Variants in MPDZ observed in about 807,000 individuals in gnomAD.
MPDZ encodes multiple PDZ domain crumbs cell polarity complex component, also known as multiple PDZ domain protein.
Under a neutral mutation model 239.1 loss-of-function variants are expected in MPDZ, and 234 were observed. The observed-to-expected ratio is 0.98, with a 90% CI of 0.88 to 1.09. The LOEUF is 1.09. Ranked by LOEUF, MPDZ falls within the 50% of genes least tolerant of loss-of-function variation. The probability of loss-of-function intolerance (pLI) is 0.00; values close to 1 mark genes in which losing one functional copy is unlikely to be tolerated. For synonymous variants in MPDZ, 1,048 were observed against 881.3 expected, an observed-to-expected ratio of 1.19 and a Z score of -3.35; for missense variants, 3,175 against 2,510.0, an observed-to-expected ratio of 1.26 and a Z score of -5.66.
At chr9:13,215,533 G>C (rs972156601) in intron 10 of MPDZ, among the ~76,000 whole-genome samples, 2 of 151,032 alleles carry the variant, frequency 1.3e-5, no homozygotes, top group African/African-American at 4.9e-5. Context: ...CTATGAATAA[G>C]GACTCCTCTA....
At chr9:13,126,391 C>A (rs1483936126) in intron 34 of MPDZ, 125 bp downstream of exon 34, 1 of 549,518 alleles carries the variant, frequency 1.8e-6, no homozygotes, top group Admixed American at 3.8e-5. Context: ...ACAATCTCTT[C>A]TTTTCCTTAA....
chr9:13,206,146 A>G (rs754378045), intron 10 of MPDZ, 47 bp from the exon 11 acceptor site: 2 of 1,509,188 alleles, frequency 1.3e-6, no homozygotes, highest in Non-Finnish European at 1.8e-6. Flanking sequence ...AAATAAATGG[A>G]TATTTGTATT....
rs751940145 is a variant in MPDZ at position 13,122,094 on chromosome 9, A to T, written c.5030T>A (p.Ile1677Asn). 1 of 1,613,900 alleles carries T rather than the reference A, an allele frequency of 6.2e-7. No homozygotes were observed. The highest frequency in any genetic ancestry group is 8.5e-7 in the Non-Finnish European group (1 of 1,179,844). ...KDGRLWAGDQILEVNGIDLRK... is the reference protein window; with the variant it reads ...KDGRLWAGDQNLEVNGIDLRK... The stretch of plus-strand genomic sequence containing the variant: ...AAAACAGGCATTCTATACCTCTAAG[A>T]TCTGATCTCCAGCCCAGAGTCTTCC... Residue 1677 changes from isoleucine (I) to asparagine (N), a missense_variant, in exon 37 of 47, where the codon ATC becomes AAC. Physicochemically the swap from Ile to Asn is moderately radical, Grantham distance 149. Transcript: ENST00000319217.
chr9:13,227,164 C>T lies in MPDZ; in HGVS notation c.184-2581G>A, dbSNP rs998424133. 2.0e-5 allele frequency among the ~76,000 whole-genome samples: 3 copies of T among 151,976 alleles called. No individual in the cohort carries two copies. In the South Asian group the frequency reaches 6.2e-4, roughly 31 times the overall value. ...AAAATCTATACATAAGAGTTTGTTA[C>T]CTATCCTTAAAAATAAAACAGAAAA... On this transcript the variant is annotated intron_variant, in intron 3 of 46. Coordinates refer to ENST00000319217, the MANE Select transcript of MPDZ (RefSeq NM_001378778.1).
At chr9:13,222,868 C>A (rs1400215247) in intron 5 of MPDZ, among the ~76,000 whole-genome samples, 1 of 147,680 alleles carries the variant, frequency 6.8e-6, no homozygotes, top group South Asian at 2.1e-4. Flanking sequence ...AGATTAGATC[C>A]CCAACTGGGG....
chr9:13,219,993 A>G (rs1958891667), intron 7 of MPDZ, among the ~76,000 whole-genome samples: 1 of 152,006 alleles, frequency 6.6e-6, no homozygotes, highest in Non-Finnish European at 1.5e-5. Context: ...TCAATAGTCC[A>G]TATGAACTTT....
At chr9:13,197,441 G>A (rs761857406) in intron 12 of MPDZ, among the ~76,000 whole-genome samples, 1 of 151,942 alleles carries the variant, frequency 6.6e-6, no homozygotes, top group Non-Finnish European at 1.5e-5. Flanking sequence ...ACACTATCGG[G>A]TGACTATGAT....
At chr9:13,224,756 A>C (rs1453983821) in intron 3 of MPDZ, among the ~76,000 whole-genome samples, 173 bp from the exon 4 acceptor site, 17 of 152,144 alleles carry the variant, frequency 1.1e-4, no homozygotes, top group Non-Finnish European at 2.1e-4. Flanking sequence ...GATAATACAC[A>C]AAGATGTGTG....
chr9:13,123,826 A>AT (rs1944731457), intron 35 of MPDZ, among the ~76,000 whole-genome samples: 1 of 152,284 alleles, frequency 6.6e-6, no homozygotes, highest in Admixed American at 6.5e-5. Context: ...ATCCTAGAGC[A>AT]TCTCTTCTTA....
At chr9:13,263,721 A>G (rs1971205525) in intron 1 of MPDZ, among the ~76,000 whole-genome samples, 1 of 152,178 alleles carries the variant, frequency 6.6e-6, no homozygotes, top group Non-Finnish European at 1.5e-5. Context: ...AGAGAGCAGG[A>G]GGGCAGGAAG....
At chr9:13,165,603 A>T in intron 22 of MPDZ, 1 of 480,226 alleles carries the variant, frequency 2.1e-6, no homozygotes, top group South Asian at 4.3e-5. Context: ...TGTCTATAGC[A>T]GTGATTATTA....
chr9:13,219,675 G>A lies in MPDZ; in HGVS notation c.970C>T (p.Gln324Ter). The A allele has an allele frequency of 1.2e-6, 2 of 1,612,738 alleles. No homozygotes were observed. Among genetic ancestry groups the A allele is most frequent in the Non-Finnish European group, 1.7e-6 (2 of 1,179,266 alleles). Residue 324 changes from glutamine (Q) to a stop codon, truncating the protein, a stop_gained, in exon 8 of 47, where the codon CAA (glutamine) becomes TAA (stop). Coordinates refer to ENST00000319217, the MANE Select transcript of MPDZ (RefSeq NM_001378778.1). LOFTEE classifies it high-confidence loss of function. Reference sequence around the variant, plus strand: ...ATCAACTTAACTCTATTTCCACATTGCCTAAGGACTTGTGCTACTTGCTCA... The same window carrying A: ...ATCAACTTAACTCTATTTCCACATTACCTAAGGACTTGTGCTACTTGCTCA... The part of the protein sequence containing the change: ...SSEQVAQVLR[Q>*]CGNRVKLMIA...
chr9:13,224,702 C>A, intron 3 of MPDZ, 119 bp from the exon 4 acceptor site: 1 of 685,404 alleles, frequency 1.5e-6, no homozygotes, highest in African/African-American at 1.8e-5. Context: ...TCCTTTAATC[C>A]AGCAATTCTA....
At chr9:13,163,242 C>T (rs1950672983) in intron 22 of MPDZ, among the ~76,000 whole-genome samples, 1 of 152,126 alleles carries the variant, frequency 6.6e-6, no homozygotes, top group South Asian at 2.1e-4. Flanking sequence ...AATTACTTTG[C>T]ATCTTTCTAT....
chr9:13,199,055 T>C (rs1956065475), intron 12 of MPDZ, among the ~76,000 whole-genome samples: 1 of 151,966 alleles, frequency 6.6e-6, no homozygotes, highest in Admixed American at 6.6e-5. Flanking sequence ...AGAATGCCAT[T>C]GGTATATTCA....
chr9:13,216,322 T>C (rs1382177162), intron 10 of MPDZ, among the ~76,000 whole-genome samples: 1 of 149,154 alleles, frequency 6.7e-6, no homozygotes, highest in Admixed American at 6.7e-5. Context: ...TTCTTATATA[T>C]CCTCAGGGCT....
At chr9:13,122,239 C>T in intron 36 of MPDZ, 69 bp from the exon 37 acceptor site, 1 of 1,360,474 alleles carries the variant, frequency 7.4e-7, no homozygotes, top group South Asian at 1.2e-5. Context: ...GAAATGGAGT[C>T]CAAACACATT....
In MPDZ at chr9:13,109,947, C is replaced by A. The variant is rs1279695234; in HGVS notation, c.5942+5G>T. ...TGATACACTAATCATCATGTATGAA[C>A]TCACCCTAAATCATCCTGAAATATA... On this transcript the variant is annotated splice_donor_5th_base_variant and intron_variant, in intron 45 of 46. Coordinates refer to ENST00000319217, the MANE Select transcript of MPDZ (RefSeq NM_001378778.1). 7 of 1,607,164 alleles carry A rather than the reference C, an allele frequency of 4.4e-6. No individual in the cohort carries two copies. The highest frequency in any genetic ancestry group is 6.0e-6 in the Non-Finnish European group (7 of 1,175,522).
rs887936874 is a variant in MPDZ, at chr9:13,138,123, G to C, written c.4034C>G (p.Thr1345Arg). Residue 1345 changes from threonine to arginine, a missense_variant, in exon 29 of 47, where the codon ACA (threonine) becomes AGA (arginine). Transcript: ENST00000319217. ...KNIRERYGTL[T>R]GELHMIELEK... is the part of the protein sequence containing the mutation. The stretch of plus-strand genomic sequence containing the variant: ...CAGTTCAATCATATGCAGCTCGCCT[G>C]TTAGGGTTCCATAACGCTCTCTGAT... 2.5e-6 allele frequency: 4 copies of C among 1,599,330 alleles called. No individual in the cohort carries two copies. In the South Asian group the frequency reaches 3.4e-5, roughly 14 times the overall value.
Sources: gnomAD v4.1 joint callset for allele counts (sites outside exome capture counted in the v4.1 genomes callset) on GRCh38, gnomAD v4.1.1 for gene constraint, MANE v1.5 for transcripts, NCBI Gene and HGNC (gene_info 2026-07-23, HGNC 2026-07-21) for gene names.